Variants in TMEM135 observed in about 807,000 individuals in gnomAD.
TMEM135 encodes transmembrane protein 135, also known as peroxisomal membrane protein 52.
In TMEM135, 30 loss-of-function variants were observed where a neutral mutation model predicts 60.3. That is an observed-to-expected ratio of 0.50 (90% CI 0.37 to 0.68). TMEM135 has a LOEUF of 0.68. TMEM135 is among the 30% of genes least tolerant of loss of function. The pLI is 0.00. For missense variants in TMEM135, 468 were observed against 548.8 expected (o/e 0.85, Z 1.47); for synonymous variants, 190 against 186.7 (o/e 1.02, Z -0.14).
intron 1 of TMEM135, among the ~76,000 whole-genome samples, chr11:87,065,437 A>G (rs1856630303): frequency 6.6e-6 from 1 of 152,162 alleles, no homozygotes; most frequent in African/African-American, 2.4e-5. Context: ...CCTGATGGCT[A>G]ATGTGCTTAT....
chr11:87,192,280 C>G (rs762139464), intron 5 of TMEM135, among the ~76,000 whole-genome samples: 3 of 151,602 alleles, frequency 2.0e-5, no homozygotes, highest in Non-Finnish European at 4.4e-5. Context: ...TGAGCCACTT[C>G]TATTTCTTTT....
At chr11:87,079,796 T>A (rs997884466) in intron 3 of TMEM135, among the ~76,000 whole-genome samples, 4 of 151,778 alleles carry the variant, frequency 2.6e-5, no homozygotes, top group African/African-American at 9.7e-5. Flanking sequence ...CTTTTCTGCA[T>A]CTATTGATAA....
chr11:87,182,474 G>C (rs1939540930), intron 5 of TMEM135, among the ~76,000 whole-genome samples: 1 of 152,126 alleles, frequency 6.6e-6, no homozygotes, highest in Admixed American at 6.6e-5. Flanking sequence ...TAGATGATGA[G>C]AAATATGTGT....
chr11:87,116,624 C>G (rs1857887753), intron 4 of TMEM135, among the ~76,000 whole-genome samples: 2 of 95,466 alleles, frequency 2.1e-5, no homozygotes, highest in African/African-American at 3.6e-5. Flanking sequence ...AACACACACA[C>G]ACACATACAC....
At chr11:87,218,826 G>T (rs188448211) in intron 5 of TMEM135, among the ~76,000 whole-genome samples, 231 of 152,264 alleles carry the variant, frequency 1.5e-3, no homozygotes, top group Non-Finnish European at 2.7e-3. Context: ...GCCAGGCATG[G>T]TGGTGCACAC....
At chr11:87,111,077 G>T (rs1304677044) in intron 4 of TMEM135, among the ~76,000 whole-genome samples, 1 of 152,130 alleles carries the variant, frequency 6.6e-6, no homozygotes, top group African/African-American at 2.4e-5. Context: ...GTCTTAAAAT[G>T]TAGTTTCCTA....
At chr11:87,122,565 A>T (rs1388665166) in intron 4 of TMEM135, among the ~76,000 whole-genome samples, 1 of 151,710 alleles carries the variant, frequency 6.6e-6, no homozygotes, top group Admixed American at 6.6e-5. Context: ...GGTTCAAGTG[A>T]TTCTCCTGCC....
At chr11:87,101,290 A>T (rs1857451705) in intron 4 of TMEM135, among the ~76,000 whole-genome samples, 1 of 152,222 alleles carries the variant, frequency 6.6e-6, no homozygotes, top group Non-Finnish European at 1.5e-5. Context: ...CCACAGTATG[A>T]TTTAAAAGAG....
intron 4 of TMEM135, among the ~76,000 whole-genome samples, chr11:87,155,627 A>G (rs1260156427): frequency 6.6e-6 from 1 of 152,178 alleles, no homozygotes; most frequent in African/African-American, 2.4e-5. Flanking sequence ...CCTCAAATCC[A>G]TCTCCCTGTG....
At chr11:87,220,330 G>A (rs1352970081) in intron 5 of TMEM135, among the ~76,000 whole-genome samples, 1 of 152,064 alleles carries the variant, frequency 6.6e-6, no homozygotes, top group Non-Finnish European at 1.5e-5. Flanking sequence ...TTTTTGCCAA[G>A]TCCTATATTT....
intron 4 of TMEM135, among the ~76,000 whole-genome samples, chr11:87,149,032 TTGTGTGTGTGTG>T (rs553840798): frequency 4.2e-5 from 6 of 143,598 alleles, no homozygotes; most frequent in East Asian, 2.0e-4. Flanking sequence ...CCCCATACCT[TTGTGTGTGTGTG>T]TGTGTGTGTG....
chr11:87,238,849 A>G (rs1465054407), intron 6 of TMEM135, among the ~76,000 whole-genome samples: 1 of 152,098 alleles, frequency 6.6e-6, no homozygotes, highest in Non-Finnish European at 1.5e-5. Context: ...AAGAAAGTCC[A>G]ATCTCAAGTA....
Position 87,053,278 on chromosome 11 carries a change from A to G in TMEM135, c.142-14416A>G, listed in dbSNP as rs566704927. ...CTTTGAGAAAAAAATTCGTGCCTCA[A>G]TTTGTGCATAAGCAATATATATATA... On this transcript the variant is annotated intron_variant, in intron 1 of 14. Coordinates refer to ENST00000305494, the MANE Select transcript of TMEM135 (RefSeq NM_022918.4). Among the ~76,000 whole-genome samples the G allele has an allele frequency of 3.4e-5, 4 of 118,196 alleles. No homozygotes were observed. The South Asian group carries it at 1.1e-3, about 33-fold the overall frequency. 77.5% of individuals were successfully genotyped at this position (118,196 alleles called of 152,430 possible).
chr11:87,201,908 C>T lies in TMEM135; in HGVS notation c.463-34730C>T, dbSNP rs183476286. On this transcript the variant is annotated intron_variant, in intron 5 of 14. Transcript: ENST00000305494. ...CTGTCTTATGATAAAGATTTAAACA[C>T]ACACACATACACATATATGCATTCA... Among the ~76,000 whole-genome samples, 445 of 151,960 alleles carry T rather than the reference C, an allele frequency of 2.9e-3. 4 individuals are homozygous for T. Among genetic ancestry groups the T allele is most frequent in the African/African-American group, 9.4e-3 (388 of 41,422 alleles).
At chr11:87,198,645 T>C (rs969919642) in intron 5 of TMEM135, among the ~76,000 whole-genome samples, 2 of 148,232 alleles carry the variant, frequency 1.3e-5, no homozygotes, top group Non-Finnish European at 3.0e-5. Context: ...CCCTCTCTTC[T>C]CTTTTCCCTG....
chr11:87,122,518 T>C (rs1163168669), intron 4 of TMEM135, among the ~76,000 whole-genome samples: 1 of 151,582 alleles, frequency 6.6e-6, no homozygotes, highest in Non-Finnish European at 1.5e-5. Flanking sequence ...TGGAGTGCAG[T>C]GTCATAATCT....
intron 4 of TMEM135, among the ~76,000 whole-genome samples, chr11:87,151,651 A>G (rs117043707): frequency 0.013 from 2,028 of 150,688 alleles, 27 homozygotes; most frequent in Non-Finnish European, 0.02. Context: ...ACCTATTTCA[A>G]TATGTAATTT....
In TMEM135 at chr11:87,106,833, C is replaced by T. The variant is rs145599560; in HGVS notation, c.396+15438C>T. On this transcript the variant is annotated intron_variant, in intron 4 of 14. Transcript: ENST00000305494. Reference sequence around the variant, plus strand: ...ATTGGCTAATGGTTCTGCAGGCTCACGGTTCTGCAGGCTGTACAGGAAGCA... The same window carrying T: ...ATTGGCTAATGGTTCTGCAGGCTCATGGTTCTGCAGGCTGTACAGGAAGCA... Among the ~76,000 whole-genome samples, 81 of 152,188 alleles carry T rather than the reference C, an allele frequency of 5.3e-4. 2 individuals carry two copies. The highest frequency in any genetic ancestry group is 1.8e-3 in the African/African-American group (76 of 41,514).
chr11:87,321,536 C>T lies in TMEM135; in HGVS notation c.*203C>T. On this transcript the variant is annotated 3_prime_UTR_variant, in exon 15 of 15. Transcript: ENST00000305494. Reference sequence around the variant, plus strand: ...CTTAATAATTAAGCTTCCTCCATAGCCAGAATAAGATTCTGGATCACTGTA... The same window carrying T: ...CTTAATAATTAAGCTTCCTCCATAGTCAGAATAAGATTCTGGATCACTGTA... 3 of 688,270 alleles carry T rather than the reference C, an allele frequency of 4.4e-6. No homozygotes were observed. In the East Asian group the frequency reaches 8.5e-5, roughly 19 times the overall value. The allele number at this position is 688,270 out of a possible 1,614,324, so 42.6% of individuals were successfully genotyped here. A position where few individuals can be genotyped will look rare whatever the true frequency, so the allele number is the denominator to read the frequency against.
Sources: allele counts gnomAD v4.1 joint callset (sites outside exome capture counted in the v4.1 genomes callset), GRCh38; gene constraint gnomAD v4.1.1; transcripts MANE v1.5; gene names NCBI Gene and HGNC (gene_info 2026-07-23, HGNC 2026-07-21).